The following HS6ST1 variants were observed in gnomAD, a reference collection of about 807,000 sequenced individuals.
HS6ST1 encodes heparan sulfate 6-O-sulfotransferase 1.
HS6ST1 carries 3 observed loss-of-function variants against 25.2 expected under a neutral mutation model. That is an observed-to-expected ratio of 0.12 (90% CI 0.05 to 0.31). The LOEUF (loss-of-function observed/expected upper bound fraction) is 0.31, where lower values mean the gene tolerates loss of function less well. Among genes scored for constraint, HS6ST1 ranks in the 10% least tolerant of loss-of-function variants. HS6ST1 has a pLI of 1.00. For synonymous variants in HS6ST1, 204 were observed against 275.1 expected, an observed-to-expected ratio of 0.74 and a Z score of 2.56; for missense variants, 310 against 609.6, an observed-to-expected ratio of 0.51 and a Z score of 5.18.
intron 1 of HS6ST1, among the ~76,000 whole-genome samples, chr2:128,311,123 C>T (rs181628045): frequency 1.5e-4 from 23 of 152,296 alleles, no homozygotes; most frequent in Non-Finnish European, 2.2e-4. Flanking sequence ...AACCTCATCC[C>T]CTAGGTCTAG....
intron 1 of HS6ST1, among the ~76,000 whole-genome samples, chr2:128,310,021 G>T (rs1694264665): frequency 6.6e-6 from 1 of 152,196 alleles, no homozygotes; most frequent in Non-Finnish European, 1.5e-5. Context: ...TTAGAGATGG[G>T]AAGACTGAGG....
chr2:128,307,613 C>A (rs1373643571), intron 1 of HS6ST1, among the ~76,000 whole-genome samples: 1 of 152,208 alleles, frequency 6.6e-6, no homozygotes, highest in Non-Finnish European at 1.5e-5. Flanking sequence ...GGAAAACAGG[C>A]CAAAGACGTG....
At chr2:128,310,793 A>G (rs1442864551) in intron 1 of HS6ST1, among the ~76,000 whole-genome samples, 1 of 152,158 alleles carries the variant, frequency 6.6e-6, no homozygotes, top group Non-Finnish European at 1.5e-5. Flanking sequence ...GGGACTTGGG[A>G]CAATGCCCTA....
chr2:128,274,941 G>A (rs1693667429), intron 1 of HS6ST1, among the ~76,000 whole-genome samples: 1 of 143,780 alleles, frequency 7.0e-6, no homozygotes. Context: ...TCGCATCTGG[G>A]TGACAGAGCG....
At position 128,268,431 on chromosome 2, in the gene HS6ST1, G is replaced by T; in HGVS notation, c.967C>A (p.Arg323=). 6.2e-7 allele frequency: 1 copy of T among 1,613,626 alleles called. No individual in the cohort carries two copies. Among genetic ancestry groups the T allele is most frequent in the Non-Finnish European group, 8.5e-7 (1 of 1,179,856 alleles). The change falls in exon 2 of 2, where the codon CGG becomes AGG. Residue 323 remains arginine (R), a synonymous_variant. Coordinates refer to ENST00000259241, the MANE Select transcript of HS6ST1 (RefSeq NM_004807.3). ...IRPFMQYNST[R]AGGVEVDEDT... ...TCATCCACCTCCACGCCGCCCGCCC[G>T]CGTGCTATTGTACTGCATGAAGGGC...
chr2:128,317,937 G>C, intron 1 of HS6ST1, 100 bp downstream of exon 1: 2 of 1,306,896 alleles, frequency 1.5e-6, no homozygotes, highest in African/African-American at 1.6e-5. Flanking sequence ...GAGGGCAGAA[G>C]GGGGTAGGGA....
chr2:128,287,483 G>T (rs1693882655), intron 1 of HS6ST1, among the ~76,000 whole-genome samples: 1 of 152,206 alleles, frequency 6.6e-6, no homozygotes, highest in African/African-American at 2.4e-5. Flanking sequence ...GTGAGGCTTA[G>T]GACTGCCTCC....
intron 1 of HS6ST1, among the ~76,000 whole-genome samples, chr2:128,274,171 A>G (rs1693656297): frequency 1.3e-5 from 2 of 152,170 alleles, no homozygotes; most frequent in Non-Finnish European, 2.9e-5. Context: ...GAGGGGAGAG[A>G]GAAAATAGAG....
intron 1 of HS6ST1, among the ~76,000 whole-genome samples, chr2:128,316,945 C>T (rs1024412794): frequency 2.0e-5 from 3 of 152,192 alleles, no homozygotes; most frequent in African/African-American, 7.2e-5. Context: ...GCCAACACGC[C>T]TACAACCGCC....
intron 1 of HS6ST1, among the ~76,000 whole-genome samples, chr2:128,311,889 G>A (rs1489188091): frequency 6.6e-6 from 1 of 152,220 alleles, no homozygotes; most frequent in African/African-American, 2.4e-5. Flanking sequence ...TATGGGGGAG[G>A]TGGCAGAAGG....
intron 1 of HS6ST1, among the ~76,000 whole-genome samples, chr2:128,300,935 C>T (rs1694116248): frequency 6.6e-6 from 1 of 152,242 alleles, no homozygotes; most frequent in African/African-American, 2.4e-5. Context: ...GGTGCAATGG[C>T]ACATGCCTAA....
In HS6ST1 at chr2:128,318,037, C is replaced by G. The variant is rs1259415350; in HGVS notation, c.527G>C (p.Arg176Thr). The G allele has an allele frequency of 6.6e-7, 1 of 1,506,870 alleles. No individual in the cohort carries two copies. The highest frequency in any genetic ancestry group is 8.8e-7 in the Non-Finnish European group (1 of 1,135,318). The allele number at this position is 1,506,870 out of a possible 1,614,324, so 93.3% of individuals were successfully genotyped here. ...AGGATCCCGCCGCCCGGGCGCTCAC[C>G]TGGGCGTGCGCAGCGCGGCGGAGTC... Reference protein sequence around the residue: ...RRDSAALRTPRKFYYITLLRD... With the variant: ...RRDSAALRTPTKFYYITLLRD... The change falls in exon 1 of 2, where the codon AGG becomes ACG. Residue 176 changes from arginine (R) to threonine (T), a missense_variant and splice_region_variant. Physicochemically the swap from Arg to Thr is moderately conservative, Grantham distance 71 (BLOSUM62 -1). This residue lies in a region of HS6ST1 where 98 missense variants were observed against 270.3 expected (regional missense o/e 0.36). Coordinates refer to ENST00000259241, the MANE Select transcript of HS6ST1 (RefSeq NM_004807.3). The surrounding 1 kb of genome is among the most constrained non-coding windows in gnomAD (Gnocchi z 5.7).
chr2:128,268,206 C>G lies in HS6ST1; in HGVS notation c.1192G>C (p.Val398Leu). ...PREDADEPGRVPTEDYMSHII... is the reference protein window; with the variant it reads ...PREDADEPGRLPTEDYMSHII... ...TGGCTCATGTAGTCCTCGGTGGGCA[C>G]GCGGCCCGGCTCGTCGGCATCCTCC... Residue 398 changes from valine to leucine, a missense_variant, in exon 2 of 2, where the codon GTG (valine) becomes CTG (leucine). Transcript: ENST00000259241. 6.2e-7 allele frequency: 1 copy of G among 1,610,116 alleles called. No homozygotes were observed. The highest frequency in any genetic ancestry group is 1.1e-5 in the South Asian group (1 of 90,920).
chr2:128,290,817 CAAAAAAAA>C (rs57754041), intron 1 of HS6ST1, among the ~76,000 whole-genome samples: 9,001 of 60,858 alleles, frequency 0.15, 141 homozygotes, highest in Admixed American at 0.21. Context: ...ACTAAAAATA[CAAAAAAAA>C]AAAAAAAAAA....
At chr2:128,285,044 C>A (rs975125113) in intron 1 of HS6ST1, among the ~76,000 whole-genome samples, 9 of 152,236 alleles carry the variant, frequency 5.9e-5, no homozygotes, top group African/African-American at 1.7e-4. Flanking sequence ...GCGACCCGAC[C>A]TCTGGCCTCC....
In HS6ST1 at chr2:128,268,391, C is replaced by T. The variant is rs377319981; in HGVS notation, c.1007G>A (p.Arg336His). The T allele has an allele frequency of 8.7e-6, 14 of 1,613,550 alleles. No homozygotes were observed. The highest frequency in any genetic ancestry group is 4.5e-5 in the East Asian group (2 of 44,898). Residue 336 changes from arginine to histidine, a missense_variant, in exon 2 of 2, where the codon CGC becomes CAC. Around this residue, in one of 5 missense-constraint regions of HS6ST1, gnomAD observed 140 missense variants for 176.5 expected, o/e 0.79. Transcript: ENST00000259241. ...GTCCAGGTCGTTGAGCTCCTCGATG[C>T]GCCGGATGGTGTCTTCATCCACCTC... The part of the protein sequence containing the change: ...GVEVDEDTIR[R>H]IEELNDLDMQ...
At chr2:128,304,225 C>T (rs1228329486) in intron 1 of HS6ST1, among the ~76,000 whole-genome samples, 1 of 152,206 alleles carries the variant, frequency 6.6e-6, no homozygotes, top group East Asian at 1.9e-4. Context: ...TCTATATATC[C>T]TATAAGTTCT....
chr2:128,290,986 A>C (rs1693943372), intron 1 of HS6ST1, among the ~76,000 whole-genome samples: 1 of 127,342 alleles, frequency 7.9e-6, no homozygotes, highest in Non-Finnish European at 1.8e-5. Context: ...TCTCAAATTA[A>C]AAAAAAAAGT....
intron 1 of HS6ST1, among the ~76,000 whole-genome samples, chr2:128,275,270 G>A (rs184613961): frequency 5.4e-5 from 8 of 149,060 alleles, no homozygotes; most frequent in Admixed American, 5.3e-4. Context: ...TAATAAAAAC[G>A]TGAGTTTTAA....
Sources: gnomAD v4.1 joint callset for allele counts (sites outside exome capture counted in the v4.1 genomes callset) on GRCh38, gnomAD v4.1.1 for gene constraint, gnomAD v4.1.1 regional missense constraint, Gnocchi (gnomAD v3.1) non-coding constraint, MANE v1.5 for transcripts, NCBI Gene and HGNC (gene_info 2026-07-23, HGNC 2026-07-21) for gene names.